Variants in FAT4 observed in about 807,000 individuals in gnomAD.
FAT4 encodes FAT atypical cadherin 4, also known as protocadherin Fat 4.
A neutral mutation model predicts 303.9 loss-of-function variants in FAT4; 84 were observed. That is an observed-to-expected ratio of 0.28 (90% CI 0.23 to 0.33). The LOEUF is 0.33. Ranked by LOEUF, FAT4 falls within the 10% of genes least tolerant of loss-of-function variation. FAT4 has a pLI of 1.00. For missense variants in FAT4, 6,005 were observed against 6,146.8 expected, an observed-to-expected ratio of 0.98 and a Z score of 0.77; for synonymous variants, 2,307 against 2,298.8, an observed-to-expected ratio of 1.00 and a Z score of -0.10.
At position 125,490,777 on chromosome 4, in the gene FAT4, A is replaced by G; in HGVS notation, c.13961A>G (p.Gln4654Arg). The G allele has an allele frequency of 6.2e-7, 1 of 1,614,096 alleles. No individual in the cohort carries two copies. Among genetic ancestry groups the G allele is most frequent in the East Asian group, 2.2e-5 (1 of 44,836 alleles). Residue 4654 changes from glutamine (Q) to arginine (R), a missense_variant, in exon 18 of 18, where the codon CAG (glutamine) becomes CGG (arginine). By Grantham distance (43) the Gln-to-Arg change is conservative. Transcript: ENST00000394329. ...AGCCACACACCAAAATTTTCAATCC[A>G]GAGGCACAGTCCCCTAGGCTTTGCA... is the stretch of plus-strand genomic sequence containing the variant. ...FRSHTPKFSI[Q>R]RHSPLGFARQ...
rs10440345 is a variant in FAT4, at chr4:125,343,822, T to G, written c.5175+22236T>G. Among the ~76,000 whole-genome samples the G allele has an allele frequency of 6.9e-3, 1,052 of 152,278 alleles. 17 individuals are homozygous for G. Among genetic ancestry groups the G allele is most frequent in the African/African-American group, 0.024 (1,014 of 41,564 alleles). ...AAAAAAGTTTGATCTTAGATTTACA[T>G]GAATTGTTAAATATAAATAAAAAGA... is the stretch of plus-strand genomic sequence containing the variant. On this transcript the variant is annotated intron_variant, in intron 2 of 17. Coordinates refer to ENST00000394329, the MANE Select transcript of FAT4 (RefSeq NM_001291303.3).
At chr4:125,455,777 T>G (rs1403305615) in intron 10 of FAT4, among the ~76,000 whole-genome samples, 1 of 152,224 alleles carries the variant, frequency 6.6e-6, no homozygotes, top group Non-Finnish European at 1.5e-5. Flanking sequence ...TCCATCATTC[T>G]ATTAATACTT....
chr4:125,454,811 C>T (rs1487563308), intron 10 of FAT4, among the ~76,000 whole-genome samples: 1 of 152,058 alleles, frequency 6.6e-6, no homozygotes, highest in Non-Finnish European at 1.5e-5. Context: ...CCAGCCCAGG[C>T]CGACAACAGT....
intron 16 of FAT4, among the ~76,000 whole-genome samples, chr4:125,482,935 A>AC (rs1035152292): frequency 2.9e-4 from 44 of 152,154 alleles, no homozygotes; most frequent in African/African-American, 1.1e-3. Flanking sequence ...GATAGATTTT[A>AC]CCCCCATGGG....
At chr4:125,391,718 TATC>T (rs546585747) in intron 2 of FAT4, among the ~76,000 whole-genome samples, 203 of 152,340 alleles carry the variant, frequency 1.3e-3, no homozygotes, top group African/African-American at 4.9e-3. Context: ...TATCATAAAA[TATC>T]ATTTCATAAC....
intron 10 of FAT4, among the ~76,000 whole-genome samples, chr4:125,462,829 T>C (rs183397300): frequency 2.6e-4 from 39 of 152,158 alleles, no homozygotes; most frequent in Non-Finnish European, 2.8e-4. Flanking sequence ...CTGAAGACAC[T>C]TGTTTGCTTT....
intron 10 of FAT4, among the ~76,000 whole-genome samples, chr4:125,458,235 T>C (rs549141395): frequency 6.6e-6 from 1 of 152,048 alleles, no homozygotes; most frequent in Non-Finnish European, 1.5e-5. Flanking sequence ...TCAGGAAAGA[T>C]GAGGTTTGTT....
chr4:125,443,055 C>T (rs1407153982), intron 8 of FAT4, among the ~76,000 whole-genome samples: 1 of 152,036 alleles, frequency 6.6e-6, no homozygotes, highest in Non-Finnish European at 1.5e-5. Flanking sequence ...AAATTTATGT[C>T]CAAGTGAACT....
At chr4:125,375,544 A>G (rs1321579770) in intron 2 of FAT4, among the ~76,000 whole-genome samples, 1 of 152,158 alleles carries the variant, frequency 6.6e-6, no homozygotes, top group African/African-American at 2.4e-5. Flanking sequence ...GGAAATATGC[A>G]TTTTGAAAAT....
At chr4:125,443,629 T>C (rs1015764154) in intron 8 of FAT4, among the ~76,000 whole-genome samples, 2 of 152,206 alleles carry the variant, frequency 1.3e-5, no homozygotes, top group Non-Finnish European at 2.9e-5. Context: ...TAAGAGCATA[T>C]ATAAATTGCC....
chr4:125,450,905 C>T lies in FAT4; in HGVS notation c.9895C>T (p.Arg3299Cys), dbSNP rs755925439. 3.1e-6 allele frequency: 5 copies of T among 1,613,994 alleles called. No individual in the cohort carries two copies. Among genetic ancestry groups the T allele is most frequent in the South Asian group, 2.2e-5 (2 of 91,088 alleles). The change falls in exon 10 of 18, where the codon CGT (arginine) becomes TGT (cysteine). Residue 3299 changes from arginine (R) to cysteine (C), a missense_variant. Physicochemically the swap from Arg to Cys is radical, Grantham distance 180. Coordinates refer to ENST00000394329, the MANE Select transcript of FAT4 (RefSeq NM_001291303.3). ...QLKGTNEYVP[R>C]FVSKLYYFEI... is the part of the protein sequence containing the mutation. Reference sequence around the variant, plus strand: ...AAAAGGGACAAATGAATATGTGCCCCGTTTTGTTTCCAAACTTTACTATTT... The same window carrying T: ...AAAAGGGACAAATGAATATGTGCCCTGTTTTGTTTCCAAACTTTACTATTT...
At chr4:125,382,299 G>T (rs558485221) in intron 2 of FAT4, among the ~76,000 whole-genome samples, 1 of 152,072 alleles carries the variant, frequency 6.6e-6, no homozygotes, top group Non-Finnish European at 1.5e-5. Flanking sequence ...GTATTTCTTC[G>T]ATCATAAGAC....
chr4:125,472,040 G>C (rs1385232351), intron 12 of FAT4, among the ~76,000 whole-genome samples: 1 of 137,722 alleles, frequency 7.3e-6, no homozygotes, highest in East Asian at 2.2e-4. Flanking sequence ...GCCACTGCAC[G>C]CCAGCCTGGG....
At position 125,321,015 on chromosome 4, in the gene FAT4, T is replaced by G. The variant is rs1359875187; in HGVS notation, c.4604T>G (p.Leu1535Arg). 1.9e-6 allele frequency: 3 copies of G among 1,614,150 alleles called. No individual in the cohort carries two copies. The highest frequency in any genetic ancestry group is 2.5e-6 in the Non-Finnish European group (3 of 1,180,018). ...NVPMFISQNA[L>R]AADPSAVIGS... ...CCAATGTTTATATCACAAAACGCCC[T>G]TGCTGCAGACCCATCAGCTGTGATT... Residue 1535 changes from leucine (L) to arginine (R), a missense_variant, in exon 2 of 18, where the codon CTT becomes CGT. Coordinates refer to ENST00000394329, the MANE Select transcript of FAT4 (RefSeq NM_001291303.3).
chr4:125,385,250 T>A (rs1489803468), intron 2 of FAT4, among the ~76,000 whole-genome samples: 1 of 151,978 alleles, frequency 6.6e-6, no homozygotes, highest in Non-Finnish European at 1.5e-5. Context: ...CTCAAATTCC[T>A]GACCTCAGGT....
intron 2 of FAT4, among the ~76,000 whole-genome samples, chr4:125,333,929 T>C (rs1359732969): frequency 6.6e-6 from 1 of 152,144 alleles, no homozygotes; most frequent in Non-Finnish European, 1.5e-5. Flanking sequence ...GAGGAATCAA[T>C]ACCAAGTAAA....
At chr4:125,483,818 T>C (rs1280440915) in intron 16 of FAT4, among the ~76,000 whole-genome samples, 1 of 151,910 alleles carries the variant, frequency 6.6e-6, no homozygotes, top group Non-Finnish European at 1.5e-5. Context: ...GTGGCTGTTG[T>C]AAGCAGGCAA....
chr4:125,315,078 A>ATGTGTG lies in FAT4; in HGVS notation c.-903_-898dup, dbSNP rs375668886. ...GCTGTGTGTGTGTGTGTGCGTGTGTATGTGTGTGTGTGTGCATGCCTGTGC... is the reference window on the plus strand; with the variant it reads ...GCTGTGTGTGTGTGTGTGCGTGTGTATGTGTGTGTGTGTGTGTGTGCATGCCTGTGC... On this transcript the variant is annotated 5_prime_UTR_variant, in exon 1 of 18. Coordinates refer to ENST00000394329, the MANE Select transcript of FAT4 (RefSeq NM_001291303.3). Among the ~76,000 whole-genome samples, 194 of 150,222 alleles carry ATGTGTG rather than the reference A, an allele frequency of 1.3e-3. No homozygotes were observed. The highest frequency in any genetic ancestry group is 3.4e-3 in the Middle Eastern group (1 of 294).
intron 4 of FAT4, 55 bp downstream of exon 4, chr4:125,407,196 T>C: frequency 6.7e-6 from 10 of 1,500,932 alleles, no homozygotes; most frequent in Non-Finnish European, 9.1e-6. Flanking sequence ...GAACCAAAAT[T>C]ACATACTATG....
Sources: allele counts gnomAD v4.1 joint callset (sites outside exome capture counted in the v4.1 genomes callset), GRCh38; gene constraint gnomAD v4.1.1; transcripts MANE v1.5; gene names NCBI Gene and HGNC (gene_info 2026-07-23, HGNC 2026-07-21).